Variants in PCDHGA10 observed in about 807,000 individuals in gnomAD.
The protein encoded by PCDHGA10 is protocadherin gamma subfamily A, 10, also known as protocadherin gamma-A10.
A neutral mutation model predicts 59.5 loss-of-function variants in PCDHGA10; 42 were observed. That is an observed-to-expected ratio of 0.71 (90% CI 0.55 to 0.91). PCDHGA10 has a LOEUF of 0.91. Ranked by LOEUF, PCDHGA10 falls within the 40% of genes least tolerant of loss-of-function variation. The pLI is 0.00. For missense variants in PCDHGA10, 1,111 were observed against 1,198.2 expected, an observed-to-expected ratio of 0.93 and a Z score of 1.07; for synonymous variants, 511 against 517.2, an observed-to-expected ratio of 0.99 and a Z score of 0.16.
At chr5:141,499,553 A>T (rs1215178587) in intron 2 of PCDHGA10, among the ~76,000 whole-genome samples, 3 of 152,206 alleles carry the variant, frequency 2.0e-5, no homozygotes, top group African/African-American at 4.8e-5. Context: ...CCTGTATGAT[A>T]CCACTATCCA....
At chr5:141,510,155 C>G (rs1044168112) in intron 3 of PCDHGA10, among the ~76,000 whole-genome samples, 2 of 151,942 alleles carry the variant, frequency 1.3e-5, no homozygotes, top group African/African-American at 4.8e-5. Context: ...CACCTGTAAT[C>G]TCAGCTACTC....
chr5:141,497,509 C>T (rs1282025317), intron 2 of PCDHGA10, among the ~76,000 whole-genome samples: 1 of 151,184 alleles, frequency 6.6e-6, no homozygotes, highest in Non-Finnish European at 1.5e-5. Flanking sequence ...CTCTCTGCTT[C>T]CTTAGTTAAC....
At chr5:141,469,804 T>C (rs1433459377) in intron 1 of PCDHGA10, among the ~76,000 whole-genome samples, 1 of 152,060 alleles carries the variant, frequency 6.6e-6, no homozygotes, top group Non-Finnish European at 1.5e-5. Context: ...TGCAAAAACA[T>C]TGTAGATAGA....
rs753845173 is a variant in PCDHGA10, at chr5:141,490,873, C to T, written c.2437-3934C>T. On this transcript the variant is annotated intron_variant, in intron 1 of 3. Coordinates refer to ENST00000398610, the MANE Select transcript of PCDHGA10 (RefSeq NM_018913.3). The surrounding 1 kb of genome is among the most constrained non-coding windows in gnomAD (Gnocchi z 5.4). Reference sequence around the variant, plus strand: ...TCGAGACTCCGGCTCTCCCCCATTGCATGCCAACACATCTCTGCATGTGTT... The same window carrying T: ...TCGAGACTCCGGCTCTCCCCCATTGTATGCCAACACATCTCTGCATGTGTT... 5.6e-6 allele frequency: 9 copies of T among 1,613,884 alleles called. No homozygotes were observed. The highest frequency in any genetic ancestry group is 7.6e-6 in the Non-Finnish European group (9 of 1,179,908).
chr5:141,415,717 A>G, intron 1 of PCDHGA10, 106 bp downstream of exon 1: 1 of 839,652 alleles, frequency 1.2e-6, no homozygotes, highest in Non-Finnish European at 1.8e-6. Flanking sequence ...AACACTGATG[A>G]GTAGAATTTG....
intron 2 of PCDHGA10, among the ~76,000 whole-genome samples, chr5:141,502,827 A>G (rs1003204508): frequency 2.7e-5 from 4 of 150,478 alleles, no homozygotes; most frequent in African/African-American, 9.8e-5. Flanking sequence ...TCCTTGGGGA[A>G]GCCTGGACTG....
intron 1 of PCDHGA10, among the ~76,000 whole-genome samples, chr5:141,449,868 T>C (rs902371897): frequency 1.3e-5 from 2 of 151,910 alleles, no homozygotes; most frequent in African/African-American, 4.8e-5. Flanking sequence ...AATCAGAAAA[T>C]TTAACATCAA....
intron 3 of PCDHGA10, 137 bp from the exon 4 acceptor site, chr5:141,510,810 A>T: frequency 6.6e-7 from 1 of 1,519,768 alleles, no homozygotes; most frequent in African/African-American, 1.4e-5. Context: ...TACCTTGGTG[A>T]CCCCTATATT....
In PCDHGA10 at chr5:141,432,931, G is replaced by A. The variant is rs2097550450; in HGVS notation, c.2436+17320G>A. The A allele has an allele frequency of 6.2e-7, 1 of 1,614,198 alleles. No individual in the cohort carries two copies. The highest frequency in any genetic ancestry group is 2.2e-5 in the East Asian group (1 of 44,864). Reference sequence around the variant, plus strand: ...TGCGGCGCTGGCACAAGTCACGCCTGCTGCAGGCTTCAGGAGGCGGCTTGA... The same window carrying A: ...TGCGGCGCTGGCACAAGTCACGCCTACTGCAGGCTTCAGGAGGCGGCTTGA... On this transcript the variant is annotated intron_variant, in intron 1 of 3. Transcript: ENST00000398610. The surrounding 1 kb of genome is among the most constrained non-coding windows in gnomAD (Gnocchi z 6.0).
At chr5:141,424,215 G>T in intron 1 of PCDHGA10, 1 of 167,104 alleles carries the variant, frequency 6.0e-6, no homozygotes. Flanking sequence ...TTTTCTCTGA[G>T]CAATTTTATT....
chr5:141,476,584 C>T lies in PCDHGA10; in HGVS notation c.2437-18223C>T. 6.2e-7 allele frequency: 1 copy of T among 1,614,218 alleles called. No individual in the cohort carries two copies. The highest frequency in any genetic ancestry group is 8.5e-7 in the Non-Finnish European group (1 of 1,180,042). ...TGGCTCCGGGGACGCGCTTTCCGCTCGAGAGCGCGCACGATCCCGATGTGG... is the reference window on the plus strand; with the variant it reads ...TGGCTCCGGGGACGCGCTTTCCGCTTGAGAGCGCGCACGATCCCGATGTGG... On this transcript the variant is annotated intron_variant, in intron 1 of 3. Coordinates refer to ENST00000398610, the MANE Select transcript of PCDHGA10 (RefSeq NM_018913.3). The surrounding 1 kb of genome is among the most constrained non-coding windows in gnomAD (Gnocchi z 7.6).
chr5:141,509,148 C>T (rs1345910772), intron 3 of PCDHGA10, among the ~76,000 whole-genome samples: 1 of 152,198 alleles, frequency 6.6e-6, no homozygotes, highest in Non-Finnish European at 1.5e-5. Context: ...CATCCCGGCT[C>T]TCCCCTCCCG....
At chr5:141,499,570 A>C (rs1027373056) in intron 2 of PCDHGA10, among the ~76,000 whole-genome samples, 2 of 152,200 alleles carry the variant, frequency 1.3e-5, no homozygotes, top group Non-Finnish European at 2.9e-5. Flanking sequence ...TCCAGCTTCA[A>C]CTAATGCCTT....
intron 1 of PCDHGA10, chr5:141,419,406 C>A (rs367731612): frequency 1.9e-6 from 3 of 1,613,404 alleles, no homozygotes; most frequent in Non-Finnish European, 2.5e-6. Context: ...GTGGTGTTCG[C>A]GCAGCGCGCC....
At chr5:141,418,685 G>A (rs750217981) in intron 1 of PCDHGA10, 1 of 1,614,056 alleles carries the variant, frequency 6.2e-7, no homozygotes, top group African/African-American at 1.3e-5. Context: ...CATCAACTCA[G>A]AGATCACTTA....
intron 2 of PCDHGA10, among the ~76,000 whole-genome samples, chr5:141,501,166 C>T (rs1443045812): frequency 6.6e-6 from 1 of 152,154 alleles, no homozygotes; most frequent in African/African-American, 2.4e-5. Flanking sequence ...CATCCCCAGC[C>T]TCATTTACAT....
chr5:141,428,861 T>G (rs1435613271), intron 1 of PCDHGA10: 1 of 73,058 alleles, frequency 1.4e-5, no homozygotes, highest in Non-Finnish European at 2.5e-5. Flanking sequence ...TACGGGAGAC[T>G]TTTTTTTTTT....
At chr5:141,456,701 G>C (rs370086323) in intron 1 of PCDHGA10, among the ~76,000 whole-genome samples, 1 of 151,988 alleles carries the variant, frequency 6.6e-6, no homozygotes. Flanking sequence ...GTGGTGGCTC[G>C]CGCCTGTAAT....
At chr5:141,447,656 C>T (rs1352103605) in intron 1 of PCDHGA10, among the ~76,000 whole-genome samples, 1 of 152,056 alleles carries the variant, frequency 6.6e-6, no homozygotes, top group Non-Finnish European at 1.5e-5. Flanking sequence ...ATTTTCCCCC[C>T]CAGGAAGTTA....
Sources: allele counts gnomAD v4.1 joint callset (sites outside exome capture counted in the v4.1 genomes callset), GRCh38; gene constraint gnomAD v4.1.1; non-coding constraint Gnocchi (gnomAD v3.1); transcripts MANE v1.5; gene names NCBI Gene and HGNC (gene_info 2026-07-23, HGNC 2026-07-21).